Variants in REPS1 observed in about 807,000 individuals in gnomAD.
REPS1 encodes RALBP1 associated Eps domain containing 1.
In REPS1, 39 loss-of-function variants were observed where a neutral mutation model predicts 100.9. The observed-to-expected ratio is 0.39, with a 90% confidence interval of 0.30 to 0.50. The LOEUF is 0.50. REPS1 is among the 20% of genes least tolerant of loss of function. The pLI, the probability that REPS1 is intolerant of heterozygous loss-of-function variation, is 0.86. For missense variants in REPS1, 821 were observed against 968.5 expected, an observed-to-expected ratio of 0.85 and a Z score of 2.02; for synonymous variants, 324 against 340.3, an observed-to-expected ratio of 0.95 and a Z score of 0.53.
intron 7 of REPS1, 82 bp from the exon 8 acceptor site, chr6:138,941,571 T>C: frequency 7.4e-7 from 1 of 1,360,268 alleles, no homozygotes; most frequent in East Asian, 2.3e-5. Flanking sequence ...GAGAAATATT[T>C]TCCATGAGAA....
At chr6:138,968,349 T>C (rs1048836121) in intron 1 of REPS1, among the ~76,000 whole-genome samples, 5 of 152,250 alleles carry the variant, frequency 3.3e-5, no homozygotes, top group African/African-American at 1.2e-4. Context: ...ACTTCTTTAA[T>C]ACAATCCTCA....
chr6:138,960,971 C>A (rs72973058), intron 1 of REPS1, among the ~76,000 whole-genome samples: 17,367 of 152,112 alleles, frequency 0.11, 1,167 homozygotes, highest in Non-Finnish European at 0.16. Context: ...TCATTAGCAA[C>A]AAAGAACATC....
chr6:138,910,076 G>C (rs1253051617), intron 17 of REPS1, among the ~76,000 whole-genome samples: 1 of 151,972 alleles, frequency 6.6e-6, no homozygotes, highest in African/African-American at 2.4e-5. Flanking sequence ...CTCTAATGTT[G>C]GAGGTGGGCC....
intron 2 of REPS1, among the ~76,000 whole-genome samples, chr6:138,946,994 A>G (rs548355750): frequency 6.7e-6 from 1 of 148,488 alleles, no homozygotes; most frequent in East Asian, 2.0e-4. Context: ...GCAAGTTCTC[A>G]TGAGATCTGA....
chr6:138,912,632 T>TA (rs1780084374), intron 16 of REPS1, 133 bp downstream of exon 16: 1 of 837,154 alleles, frequency 1.2e-6, no homozygotes, highest in Non-Finnish European at 2.0e-6. Context: ...TGGAGGCCAA[T>TA]AAAAAAGATG....
intron 1 of REPS1, among the ~76,000 whole-genome samples, chr6:138,955,323 C>G (rs1411338558): frequency 1.3e-5 from 2 of 151,686 alleles, no homozygotes; most frequent in Non-Finnish European, 2.9e-5. Context: ...GATGGCACAC[C>G]TGTAGTGCTA....
chr6:138,923,442 G>A (rs188322579), intron 10 of REPS1, among the ~76,000 whole-genome samples: 10 of 152,240 alleles, frequency 6.6e-5, no homozygotes, highest in East Asian at 5.8e-4. Flanking sequence ...TATATTCGAC[G>A]TATGTGTATG....
chr6:138,986,604 T>C (rs1273013691), intron 1 of REPS1, among the ~76,000 whole-genome samples: 1 of 152,238 alleles, frequency 6.6e-6, no homozygotes. Flanking sequence ...CTTTAAATTT[T>C]GGAGATGTGG....
intron 8 of REPS1, chr6:138,934,252 T>G (rs1367853762): frequency 2.2e-6 from 1 of 461,924 alleles, no homozygotes; most frequent in African/African-American, 2.0e-5. Flanking sequence ...CCTAGCCTCC[T>G]GCTGGAACAC....
At chr6:138,938,515 C>A (rs1417928645) in intron 8 of REPS1, among the ~76,000 whole-genome samples, 1 of 152,144 alleles carries the variant, frequency 6.6e-6, no homozygotes, top group Non-Finnish European at 1.5e-5. Flanking sequence ...AAATGGCACA[C>A]ATGTAGAATT....
intron 17 of REPS1, among the ~76,000 whole-genome samples, chr6:138,909,858 C>T (rs1337316338): frequency 6.6e-6 from 1 of 152,102 alleles, no homozygotes; most frequent in African/African-American, 2.4e-5. Context: ...TGAAAACAGA[C>T]TAATACACAC....
intron 1 of REPS1, among the ~76,000 whole-genome samples, chr6:138,979,199 A>AAAAAAC (rs1784786594): frequency 1.7e-5 from 2 of 116,060 alleles, no homozygotes; most frequent in Non-Finnish European, 3.3e-5. Flanking sequence ...AAAAAAAAAC[A>AAAAAAC]AAAAAAAAAA....
At chr6:138,976,480 T>TA (rs1335434613) in intron 1 of REPS1, among the ~76,000 whole-genome samples, 1 of 152,224 alleles carries the variant, frequency 6.6e-6, no homozygotes, top group African/African-American at 2.4e-5. Context: ...TGACGGTGAT[T>TA]ATTCCAGTGG....
intron 8 of REPS1, among the ~76,000 whole-genome samples, chr6:138,935,841 A>T (rs1328069974): frequency 2.8e-5 from 2 of 71,972 alleles, no homozygotes; most frequent in Non-Finnish European, 4.8e-5. Flanking sequence ...GCAACAGAGC[A>T]AGACTCCATC....
At chr6:138,953,085 C>T (rs1257177693) in intron 1 of REPS1, among the ~76,000 whole-genome samples, 1 of 152,090 alleles carries the variant, frequency 6.6e-6, no homozygotes, top group African/African-American at 2.4e-5. Context: ...GATCTGCCCG[C>T]CTCAGCCTCC....
chr6:138,931,996 A>G (rs1781510184), intron 8 of REPS1, among the ~76,000 whole-genome samples: 1 of 152,202 alleles, frequency 6.6e-6, no homozygotes. Context: ...GCAAGACTCT[A>G]TTACTTTATT....
In REPS1 at chr6:138,969,269, A is replaced by ATTTTTTTTTTTTTTTTTTTTTTTTTTTTT. The variant is rs71013004; in HGVS notation, c.153+18260_153+18261insAAAAAAAAAAAAAAAAAAAAAAAAAAAAA. ...ACACAATCTATGATACAAAGCTGTAATTTTTTTTTTTTTTTTTTTTTTTTT... is the reference window on the plus strand; with the variant it reads ...ACACAATCTATGATACAAAGCTGTAATTTTTTTTTTTTTTTTTTTTTTTTTTTTTTTTTTTTTTTTTTTTTTTTTTTTTT... On this transcript the variant is annotated intron_variant, in intron 1 of 19. Coordinates refer to ENST00000450536, the MANE Select transcript of REPS1 (RefSeq NM_001286611.2). Among the ~76,000 whole-genome samples, 13 of 74,248 alleles carry ATTTTTTTTTTTTTTTTTTTTTTTTTTTTT rather than the reference A, an allele frequency of 1.8e-4. 1 individual carries two copies. The highest frequency in any genetic ancestry group is 1.9e-4 in the African/African-American group (4 of 20,898). 48.7% of individuals were successfully genotyped at this position (74,248 alleles called of 152,430 possible).
At chr6:138,915,062 T>G in intron 14 of REPS1, 1 of 309,302 alleles carries the variant, frequency 3.2e-6, no homozygotes, top group East Asian at 7.7e-5. Flanking sequence ...GACTGCTGTT[T>G]AGGTATCAAA....
intron 2 of REPS1, 102 bp from the exon 3 acceptor site, chr6:138,945,799 G>T: frequency 1.0e-6 from 1 of 983,830 alleles, no homozygotes; most frequent in Non-Finnish European, 1.4e-6. Flanking sequence ...TGTAAAAATG[G>T]ATACAGAAAC....
Sources: gnomAD v4.1 joint callset for allele counts (sites outside exome capture counted in the v4.1 genomes callset) on GRCh38, gnomAD v4.1.1 for gene constraint, MANE v1.5 for transcripts, NCBI Gene and HGNC (gene_info 2026-07-23, HGNC 2026-07-21) for gene names.